Variants in ASTN2 observed in about 807,000 individuals in gnomAD.
ASTN2 encodes astrotactin-2.
ASTN2 carries 54 observed loss-of-function variants against 139.8 expected under a neutral mutation model. The observed-to-expected ratio is 0.39, with a 90% confidence interval of 0.31 to 0.48. The LOEUF (loss-of-function observed/expected upper bound fraction) is 0.48, where lower values mean the gene tolerates loss of function less well. Among genes scored for constraint, ASTN2 ranks in the 20% least tolerant of loss-of-function variants. ASTN2 has a pLI of 0.95. For synonymous variants in ASTN2, 756 were observed against 719.5 expected (o/e 1.05, Z -0.81); for missense variants, 1,565 against 1,725.1 (o/e 0.91, Z 1.64).
intron 13 of ASTN2, among the ~76,000 whole-genome samples, chr9:116,748,070 G>A (rs1046816348): frequency 3.3e-5 from 5 of 152,118 alleles, no homozygotes; most frequent in Non-Finnish European, 5.9e-5. Flanking sequence ...CACTACTCAA[G>A]GAAGACAGTG....
intron 17 of ASTN2, among the ~76,000 whole-genome samples, chr9:116,622,920 G>A (rs560835827): frequency 2.0e-5 from 3 of 152,296 alleles, no homozygotes; most frequent in African/African-American, 4.8e-5. Context: ...AACCAGATGC[G>A]ACTGCATGAG....
At chr9:117,255,622 C>T (rs1833664632) in intron 2 of ASTN2, among the ~76,000 whole-genome samples, 1 of 152,116 alleles carries the variant, frequency 6.6e-6, no homozygotes, top group Non-Finnish European at 1.5e-5. Flanking sequence ...AGAGTCTTCC[C>T]CCCATCCCTC....
chr9:116,785,460 G>A (rs117972153), intron 13 of ASTN2, among the ~76,000 whole-genome samples: 1,811 of 152,244 alleles, frequency 0.012, 90 homozygotes, highest in Admixed American at 0.093. Context: ...TATTGACGCC[G>A]GATGATGAGT....
chr9:116,803,493 TATATATATATATATATATATATATATATA>T (rs1830927321), intron 13 of ASTN2, among the ~76,000 whole-genome samples: 2 of 8,240 alleles, frequency 2.4e-4, no homozygotes, highest in South Asian at 4.2e-3. Flanking sequence ...TATATATATA[TATATATATATATATATATATATATATATA>T]TTTTTTTTTT....
chr9:116,658,969 A>G (rs767213752), intron 16 of ASTN2, among the ~76,000 whole-genome samples: 51 of 152,248 alleles, frequency 3.3e-4, no homozygotes, highest in Non-Finnish European at 6.0e-4. Context: ...TGCCTATTCC[A>G]TAAGTGATAA....
chr9:117,336,287 T>A (rs1827256562), intron 1 of ASTN2, among the ~76,000 whole-genome samples: 1 of 152,170 alleles, frequency 6.6e-6, no homozygotes, highest in Admixed American at 6.5e-5. Flanking sequence ...TCATCCTTTA[T>A]ACAAATTAAC....
At chr9:117,351,383 T>C (rs1280589676) in intron 1 of ASTN2, among the ~76,000 whole-genome samples, 1 of 152,190 alleles carries the variant, frequency 6.6e-6, no homozygotes, top group Non-Finnish European at 1.5e-5. Flanking sequence ...CAATACCACA[T>C]CTTTTAAAAA....
intron 3 of ASTN2, among the ~76,000 whole-genome samples, chr9:117,195,775 C>T (rs117778114): frequency 2.0e-5 from 3 of 152,210 alleles, no homozygotes; most frequent in Non-Finnish European, 4.4e-5. Context: ...TAACAAACAG[C>T]TTCTCTGTTT....
rs567428099 is a variant in ASTN2 at position 117,358,518 on chromosome 9, C to G, written c.442+55979G>C. On this transcript the variant is annotated intron_variant, in intron 1 of 22. Coordinates refer to ENST00000313400, the MANE Select transcript of ASTN2 (RefSeq NM_001365068.1). ...CCCAATCATTTGAATGCGAAAGGGG[C>G]CAGCATTAAACTGGGGGCAATTGTC... Among the ~76,000 whole-genome samples, 7 of 152,226 alleles carry G rather than the reference C, an allele frequency of 4.6e-5. No individual in the cohort carries two copies. In the South Asian group the frequency reaches 1.5e-3, roughly 32 times the overall value.
intron 1 of ASTN2, among the ~76,000 whole-genome samples, chr9:117,392,127 T>C (rs546879134): frequency 6.6e-6 from 1 of 152,286 alleles, no homozygotes; most frequent in African/African-American, 2.4e-5. Context: ...CATGTGAGAA[T>C]GGATTGGGAA....
intron 2 of ASTN2, among the ~76,000 whole-genome samples, chr9:117,239,979 C>T (rs1217100063): frequency 2.0e-5 from 3 of 152,168 alleles, no homozygotes; most frequent in Non-Finnish European, 4.4e-5. Context: ...ATGGGTGTTA[C>T]ATCTGATAAA....
At chr9:116,530,131 A>ATATATG (rs1851272582) in intron 19 of ASTN2, among the ~76,000 whole-genome samples, 1 of 29,362 alleles carries the variant, frequency 3.4e-5, no homozygotes, top group African/African-American at 1.2e-4. Flanking sequence ...ATATATATAT[A>ATATATG]TATATATATA....
intron 13 of ASTN2, among the ~76,000 whole-genome samples, chr9:116,787,211 T>G (rs1830400484): frequency 6.6e-6 from 1 of 152,200 alleles, no homozygotes; most frequent in Non-Finnish European, 1.5e-5. Context: ...GTGACCAAGA[T>G]GCTCTTAAGC....
chr9:116,737,036 A>G (rs2015205549), intron 13 of ASTN2, among the ~76,000 whole-genome samples: 1 of 151,874 alleles, frequency 6.6e-6, no homozygotes, highest in Non-Finnish European at 1.5e-5. Context: ...TAGAGGGGGG[A>G]CTTGGAGAAA....
intron 1 of ASTN2, among the ~76,000 whole-genome samples, chr9:117,388,815 G>A (rs1830470485): frequency 6.6e-6 from 1 of 152,150 alleles, no homozygotes; most frequent in Non-Finnish European, 1.5e-5. Flanking sequence ...CTCATGAAGA[G>A]TAAAATTATA....
chr9:117,342,914 T>C (rs1326062698), intron 1 of ASTN2, among the ~76,000 whole-genome samples: 1 of 152,134 alleles, frequency 6.6e-6, no homozygotes, highest in Admixed American at 6.5e-5. Flanking sequence ...CGCCATCAAA[T>C]GACATTCTGG....
At chr9:117,326,103 G>C (rs537331773) in intron 1 of ASTN2, among the ~76,000 whole-genome samples, 47 of 152,218 alleles carry the variant, frequency 3.1e-4, no homozygotes, top group Non-Finnish European at 5.0e-4. Context: ...AATTTTTCAA[G>C]AGAAGCTGGA....
intron 5 of ASTN2, among the ~76,000 whole-genome samples, chr9:117,056,459 C>A (rs1450264551): frequency 1.3e-5 from 2 of 152,172 alleles, no homozygotes; most frequent in African/African-American, 4.8e-5. Context: ...AAGAGCCAGG[C>A]ACAGCTCTGC....
chr9:116,597,100 T>C (rs1450027168), intron 19 of ASTN2, among the ~76,000 whole-genome samples: 2 of 146,718 alleles, frequency 1.4e-5, no homozygotes, highest in African/African-American at 5.0e-5. Context: ...TTTTAAAAAA[T>C]GTATTTTCTT....
Sources: allele counts gnomAD v4.1 joint callset (sites outside exome capture counted in the v4.1 genomes callset), GRCh38; gene constraint gnomAD v4.1.1; transcripts MANE v1.5; gene names NCBI Gene and HGNC (gene_info 2026-07-23, HGNC 2026-07-21).